The following PCDHGA7 variants were observed in gnomAD, a reference collection of about 807,000 sequenced individuals.
PCDHGA7 encodes protocadherin gamma subfamily A, 7.
A neutral mutation model predicts 58.3 loss-of-function variants in PCDHGA7; 44 were observed. That is an observed-to-expected ratio of 0.75 (90% CI 0.59 to 0.97). PCDHGA7 has a LOEUF of 0.97. PCDHGA7 is among the 50% of genes least tolerant of loss of function. The pLI is 0.00. For synonymous variants in PCDHGA7, 516 were observed against 504.2 expected, an observed-to-expected ratio of 1.02 and a Z score of -0.31; for missense variants, 1,266 against 1,188.7, an observed-to-expected ratio of 1.06 and a Z score of -0.96.
At chr5:141,410,078 G>A (rs1258292051) in intron 1 of PCDHGA7, 1 of 1,612,820 alleles carries the variant, frequency 6.2e-7, no homozygotes, top group Non-Finnish European at 8.5e-7. Flanking sequence ...CACTGGGGAG[G>A]TGCGCACGGC....
chr5:141,491,980 C>A lies in PCDHGA7; in HGVS notation c.2425-2827C>A. On this transcript the variant is annotated intron_variant, in intron 1 of 3. Coordinates refer to ENST00000518325, the MANE Select transcript of PCDHGA7 (RefSeq NM_018920.4). This position sits in a 1 kb window ranked among gnomAD's most constrained non-coding sequence, Gnocchi z 6.9. ...AAAAAAGGCCGGGGCCTCCTTCGAGCTTCCGGTGAATTTCGGGCGATTTCC... is the reference window on the plus strand; with the variant it reads ...AAAAAAGGCCGGGGCCTCCTTCGAGATTCCGGTGAATTTCGGGCGATTTCC... 1.3e-6 allele frequency: 1 copy of A among 784,426 alleles called. No homozygotes were observed. Among genetic ancestry groups the A allele is most frequent in the Non-Finnish European group, 1.9e-6 (1 of 530,582 alleles). The allele number at this position is 784,426 out of a possible 1,614,324, so 48.6% of individuals were successfully genotyped here.
chr5:141,419,065 C>T (rs763008753), intron 1 of PCDHGA7: 3 of 1,613,904 alleles, frequency 1.9e-6, no homozygotes, highest in Non-Finnish European at 2.5e-6. Flanking sequence ...ATAATTACTA[C>T]AAGCTAGTAA....
Position 141,384,753 on chromosome 5 carries a change from G to C in PCDHGA7, c.1854G>C (p.Ala618=), listed in dbSNP as rs114533608. The change falls in exon 1 of 4, where the codon GCG becomes GCC. Residue 618 remains alanine, a synonymous_variant. Coordinates refer to ENST00000518325, the MANE Select transcript of PCDHGA7 (RefSeq NM_018920.4). ...AGGCCAGCGAGCCAGGACTCTTTGC[G>C]GTTGGGCTGTACACGGGCGAGGTGC... ...LLKASEPGLF[A]VGLYTGEVRT... The C allele has an allele frequency of 0.027, 43,359 of 1,614,006 alleles. 841 individuals carry two copies. The highest frequency in any genetic ancestry group is 0.094 in the African/African-American group (7,018 of 75,052).
At chr5:141,387,629 G>T (rs1361387129) in intron 1 of PCDHGA7, 7 of 579,598 alleles carry the variant, frequency 1.2e-5, no homozygotes, top group African/African-American at 3.7e-5. Context: ...CTGACTCTGG[G>T]CGCCGCTGTT....
In PCDHGA7 at chr5:141,409,552, A is replaced by C. The variant is rs777125488; in HGVS notation, c.2424+24229A>C. On this transcript the variant is annotated intron_variant, in intron 1 of 3. Transcript: ENST00000518325. ...TCGCTGACATCAACGACAACGCCCC[A>C]GTTTTCGACCAGACGTCCTACGTGG... 9 of 1,613,844 alleles carry C rather than the reference A, an allele frequency of 5.6e-6. No homozygotes were observed. The East Asian group carries it at 1.1e-4, about 20-fold the overall frequency.
chr5:141,442,414 ACTT>A (rs1258523193), intron 1 of PCDHGA7: 2 of 152,190 alleles, frequency 1.3e-5, no homozygotes, highest in Non-Finnish European at 2.9e-5. Flanking sequence ...GGCTGAGTGA[ACTT>A]CTTTTTTGAA....
Position 141,438,619 on chromosome 5 carries a change from T to C in PCDHGA7, c.2424+53296T>C, listed in dbSNP as rs1053855444. Reference sequence around the variant, plus strand: ...ATATATATATATATATATATATATATATATATATATATATATACACACACA... The same window carrying C: ...ATATATATATATATATATATATATACATATATATATATATATACACACACA... On this transcript the variant is annotated intron_variant, in intron 1 of 3. Transcript: ENST00000518325. 1.0e-4 allele frequency among the ~76,000 whole-genome samples: 4 copies of C among 39,678 alleles called. No homozygotes were observed. The East Asian group carries it at 2.5e-3, about 25-fold the overall frequency. The allele number at this position is 39,678 out of a possible 152,430, so 26.0% of individuals were successfully genotyped here.
At chr5:141,399,115 GA>G in intron 1 of PCDHGA7, 3 of 1,613,814 alleles carry the variant, frequency 1.9e-6, no homozygotes, top group Non-Finnish European at 2.5e-6. Context: ...ATGTACAGTT[GA>G]AATTAATATT....
chr5:141,456,973 A>G (rs1276476368), intron 1 of PCDHGA7, among the ~76,000 whole-genome samples: 2 of 147,412 alleles, frequency 1.4e-5, no homozygotes, highest in Admixed American at 6.7e-5. Flanking sequence ...AAAACAAAAC[A>G]AACAAACAAA....
chr5:141,479,631 A>G (rs191955216), intron 1 of PCDHGA7: 1 of 152,282 alleles, frequency 6.6e-6, no homozygotes, highest in Non-Finnish European at 1.5e-5. Context: ...TCTCTTTAAC[A>G]ATAACAACAA....
rs749144502 is a variant in PCDHGA7, at chr5:141,385,033, C to T, written c.2134C>T (p.Leu712=). 1.2e-6 allele frequency: 2 copies of T among 1,614,182 alleles called. No homozygotes were observed. Among genetic ancestry groups the T allele is most frequent in the East Asian group, 2.2e-5 (1 of 44,888 alleles). Residue 712 remains leucine (L), a synonymous_variant, in exon 1 of 4, where the codon CTG becomes TTG. Transcript: ENST00000518325. ...CTTCCTAGCCTTCGTCCTCGTACTGCTGGCGCTCAGGCTGCGGCGCTGGCA... is the reference window on the plus strand; with the variant it reads ...CTTCCTAGCCTTCGTCCTCGTACTGTTGGCGCTCAGGCTGCGGCGCTGGCA... The part of the protein sequence containing the change: ...CVFLAFVLVL[L]ALRLRRWHKS...
chr5:141,405,106 C>T, intron 1 of PCDHGA7: 1 of 1,613,964 alleles, frequency 6.2e-7, no homozygotes, highest in South Asian at 1.1e-5. Context: ...GGCTGAGGCA[C>T]TGGCACTCCT....
At chr5:141,421,748 G>A (rs763166274) in intron 1 of PCDHGA7, 4 of 1,613,944 alleles carry the variant, frequency 2.5e-6, no homozygotes, top group South Asian at 2.2e-5. Context: ...TACCAGCTCA[G>A]CCCTAATAAT....
At chr5:141,401,322 A>G (rs2094140521) in intron 1 of PCDHGA7, among the ~76,000 whole-genome samples, 1 of 152,218 alleles carries the variant, frequency 6.6e-6, no homozygotes, top group African/African-American at 2.4e-5. Flanking sequence ...AGCCTGGGCA[A>G]CAAGAGCAAA....
In PCDHGA7 at chr5:141,384,294, C is replaced by T; in HGVS notation, c.1395C>T (p.Asn465=). The change falls in exon 1 of 4, where the codon AAC becomes AAT. Residue 465 remains asparagine (N), a synonymous_variant. Transcript: ENST00000518325. ...SSYSVYIAEN[N]PRGASIFLVT... Reference sequence around the variant, plus strand: ...ACTCAGTCTACATCGCTGAGAACAACCCCAGAGGGGCCTCCATTTTCTTAG... The same window carrying T: ...ACTCAGTCTACATCGCTGAGAACAATCCCAGAGGGGCCTCCATTTTCTTAG... 1 of 1,613,864 alleles carries T rather than the reference C, an allele frequency of 6.2e-7. No homozygotes were observed.
At chr5:141,468,330 C>CAAAAAAAAAAAA (rs533390277) in intron 1 of PCDHGA7, 1 of 79,864 alleles carries the variant, frequency 1.3e-5, no homozygotes, top group African/African-American at 3.9e-5. Context: ...AACTCCATCT[C>CAAAAAAAAAAAA]AAAAAAAAAA....
chr5:141,507,487 G>A (rs889348168), intron 3 of PCDHGA7, among the ~76,000 whole-genome samples: 1 of 152,204 alleles, frequency 6.6e-6, no homozygotes, highest in African/African-American at 2.4e-5. Context: ...GCCTCCTGAG[G>A]CAGAGCTGTC....
intron 1 of PCDHGA7, chr5:141,405,078 T>G: frequency 6.2e-7 from 1 of 1,613,888 alleles, no homozygotes; most frequent in Non-Finnish European, 8.5e-7. Flanking sequence ...ACCTTCGTTA[T>G]CACGCTGCTG....
chr5:141,495,386 G>C (rs2099760934), intron 2 of PCDHGA7, among the ~76,000 whole-genome samples: 1 of 152,214 alleles, frequency 6.6e-6, no homozygotes, highest in Non-Finnish European at 1.5e-5. Context: ...GGACTGGGCG[G>C]GGCATGGAGC....
Sources: gnomAD v4.1 joint callset for allele counts (sites outside exome capture counted in the v4.1 genomes callset) on GRCh38, gnomAD v4.1.1 for gene constraint, Gnocchi (gnomAD v3.1) non-coding constraint, MANE v1.5 for transcripts, NCBI Gene and HGNC (gene_info 2026-07-23, HGNC 2026-07-21) for gene names.